Variants in PRKCH observed in about 807,000 individuals in gnomAD.
PRKCH encodes protein kinase C eta, also known as protein kinase C eta type.
PRKCH carries 28 observed loss-of-function variants against 82.5 expected under a neutral mutation model. The ratio of observed to expected loss-of-function variants is 0.34; its 90% CI spans 0.25 to 0.47. PRKCH has a LOEUF of 0.47. Ranked by LOEUF, PRKCH falls within the 20% of genes least tolerant of loss-of-function variation. The pLI is 1.00. For missense variants in PRKCH, 705 were observed against 881.8 expected (o/e 0.80, Z 2.54); for synonymous variants, 322 against 327.4 (o/e 0.98, Z 0.18).
intron 1 of PRKCH, among the ~76,000 whole-genome samples, chr14:61,233,497 T>A (rs559534811): frequency 6.6e-6 from 1 of 152,310 alleles, no homozygotes; most frequent in South Asian, 2.1e-4. Context: ...GACAATGTCA[T>A]CTCTTTCTCT....
chr14:61,281,059 A>T, intron 1 of PRKCH: 1 of 1,521,348 alleles, frequency 6.6e-7, no homozygotes, highest in Admixed American at 2.0e-5. Context: ...GCTGGCCGAC[A>T]GCAGCGGCTG....
intron 9 of PRKCH, among the ~76,000 whole-genome samples, chr14:61,485,284 G>A (rs1886166996): frequency 6.6e-6 from 1 of 152,148 alleles, no homozygotes; most frequent in South Asian, 2.1e-4. Context: ...TCAAGGCTGT[G>A]TGAAATGAAC....
intron 10 of PRKCH, among the ~76,000 whole-genome samples, chr14:61,506,253 T>A (rs1378303744): frequency 6.6e-6 from 1 of 152,154 alleles, no homozygotes; most frequent in Non-Finnish European, 1.5e-5. Flanking sequence ...AAAATCTGAG[T>A]GCTTGGAAAA....
intron 2 of PRKCH, among the ~76,000 whole-genome samples, chr14:61,426,402 A>G (rs940288123): frequency 1.3e-5 from 2 of 152,254 alleles, no homozygotes; most frequent in African/African-American, 4.8e-5. Flanking sequence ...CACCAGAAAC[A>G]TGATCCAGAA....
chr14:61,531,358 C>T (rs149504811), intron 12 of PRKCH, among the ~76,000 whole-genome samples: 1 of 152,252 alleles, frequency 6.6e-6, no homozygotes, highest in African/African-American at 2.4e-5. Flanking sequence ...ATCAGTTTTT[C>T]AAGAAGGGAT....
intron 12 of PRKCH, among the ~76,000 whole-genome samples, chr14:61,532,008 T>A (rs187270503): frequency 6.6e-6 from 1 of 152,320 alleles, no homozygotes; most frequent in East Asian, 1.9e-4. Flanking sequence ...TAACACAGCC[T>A]CATCGTGCTG....
At chr14:61,239,817 A>T (rs1355980330) in intron 1 of PRKCH, among the ~76,000 whole-genome samples, 5 of 152,274 alleles carry the variant, frequency 3.3e-5, no homozygotes, top group Admixed American at 3.3e-4. Context: ...TTTCTGGGAG[A>T]TGGCTCTGAG....
chr14:61,280,832 C>A lies in PRKCH; in HGVS notation c.-19+93164C>A. On this transcript the variant is annotated intron_variant, in intron 1 of 3. Transcript: ENST00000555185. This position sits in a 1 kb window ranked among gnomAD's most constrained non-coding sequence, Gnocchi z 5.0. ...AGCTCGTAGTAGAGGTACACTGGGC[C>A]CTGGAAGAGCTCGGGCAGCGAGAAG... 6.4e-7 allele frequency: 1 copy of A among 1,565,806 alleles called. No homozygotes were observed. The highest frequency in any genetic ancestry group is 2.3e-5 in the East Asian group (1 of 43,776).
intron 2 of PRKCH, among the ~76,000 whole-genome samples, chr14:61,414,024 C>T (rs902909675): frequency 1.7e-4 from 26 of 152,118 alleles, no homozygotes; most frequent in Admixed American, 9.8e-4. Flanking sequence ...TCATCCCATT[C>T]TTCCCTTCTC....
intron 5 of PRKCH, among the ~76,000 whole-genome samples, chr14:61,449,898 CTCTG>C (rs1392321029): frequency 5.9e-4 from 16 of 26,962 alleles, no homozygotes; most frequent in Admixed American, 2.6e-3. Flanking sequence ...CTCTCTCTCT[CTCTG>C]TGTGTGTGTG....
chr14:61,294,570 C>A (rs1176073085), intron 1 of PRKCH, among the ~76,000 whole-genome samples: 1 of 151,700 alleles, frequency 6.6e-6, no homozygotes, highest in Non-Finnish European at 1.5e-5. Flanking sequence ...ATTCAAGTCA[C>A]AAATAAAAAT....
intron 10 of PRKCH, among the ~76,000 whole-genome samples, chr14:61,495,343 T>C (rs1409304398): frequency 1.3e-5 from 2 of 152,248 alleles, no homozygotes; most frequent in East Asian, 1.9e-4. Flanking sequence ...TTGGAACTAA[T>C]TGATAAATGT....
intron 1 of PRKCH, among the ~76,000 whole-genome samples, chr14:61,324,020 A>T (rs934629943): frequency 2.6e-5 from 4 of 152,184 alleles, no homozygotes; most frequent in African/African-American, 9.7e-5. Context: ...TAATCTTCCC[A>T]CTTGAATCAC....
Position 61,453,496 on chromosome 14 carries a change from CTCTT to C in PRKCH, c.960+157_960+160del, listed in dbSNP as rs777050309. The C allele has an allele frequency of 8.7e-4, 694 of 799,304 alleles. 3 individuals carry two copies. The highest frequency in any genetic ancestry group is 7.1e-3 in the African/African-American group (339 of 47,948). 49.5% of individuals were successfully genotyped at this position (799,304 alleles called of 1,614,324 possible). A position where few individuals can be genotyped will look rare whatever the true frequency, so the allele number is the denominator to read the frequency against. On this transcript the variant is annotated intron_variant, in intron 7 of 13. Coordinates refer to ENST00000332981, the MANE Select transcript of PRKCH (RefSeq NM_006255.5). ...ACTTATTGCCTTTCTTTCTTTCTTT[CTCTT>C]TCTTTCTTTCTTTTTTCTTTTCTTT...
At chr14:61,231,594 G>A (rs772077823) in intron 1 of PRKCH, among the ~76,000 whole-genome samples, 18 of 151,986 alleles carry the variant, frequency 1.2e-4, no homozygotes, top group Non-Finnish European at 8.8e-5. Context: ...GGATGGTCTC[G>A]ATCTCCTGAC....
At chr14:61,470,698 T>C (rs925852433) in intron 9 of PRKCH, among the ~76,000 whole-genome samples, 6 of 152,332 alleles carry the variant, frequency 3.9e-5, no homozygotes, top group East Asian at 3.9e-4. Flanking sequence ...GAATGACTTA[T>C]GGCTTAGGTG....
intron 1 of PRKCH, among the ~76,000 whole-genome samples, chr14:61,339,622 C>CTTT (rs757220300): frequency 0.012 from 708 of 59,814 alleles, no homozygotes; most frequent in Middle Eastern, 0.025. Flanking sequence ...CAAGCCCGGC[C>CTTT]TTTTTTTTTT....
At chr14:61,216,661 C>A (rs1594857005) in intron 1 of PRKCH, among the ~76,000 whole-genome samples, 1 of 152,292 alleles carries the variant, frequency 6.6e-6, no homozygotes, top group East Asian at 1.9e-4. Flanking sequence ...GCAACCCCTT[C>A]ACAGCTTTCT....
intron 1 of PRKCH, among the ~76,000 whole-genome samples, chr14:61,203,998 G>C (rs1249390713): frequency 6.6e-6 from 1 of 152,008 alleles, no homozygotes; most frequent in Non-Finnish European, 1.5e-5. Context: ...AAGTAATTAT[G>C]ATGCATAGAA....
Sources: gnomAD v4.1 joint callset for allele counts (sites outside exome capture counted in the v4.1 genomes callset) on GRCh38, gnomAD v4.1.1 for gene constraint, Gnocchi (gnomAD v3.1) non-coding constraint, MANE v1.5 for transcripts, NCBI Gene and HGNC (gene_info 2026-07-23, HGNC 2026-07-21) for gene names.